Variants in EDNRA observed in about 807,000 individuals in gnomAD.
EDNRA encodes the protein endothelin-1 receptor.
A neutral mutation model predicts 41.4 loss-of-function variants in EDNRA; 11 were observed. That is an observed-to-expected ratio of 0.27 (90% confidence interval 0.17 to 0.44). The LOEUF is 0.44. Among genes scored for constraint, EDNRA ranks in the 20% least tolerant of loss-of-function variants. The pLI is 1.00. For missense variants in EDNRA, 294 were observed against 531.0 expected (o/e 0.55, Z 4.39); for synonymous variants, 172 against 183.0 (o/e 0.94, Z 0.49).
At position 147,528,623 on chromosome 4, in the gene EDNRA, C is replaced by T. The variant is rs116467156; in HGVS notation, c.549-3883C>T. Reference sequence around the variant, plus strand: ...TGCTGGGATTGCAGGCATGAACCATCGCACCCGGCTGGGAACTTACATTCT... The same window carrying T: ...TGCTGGGATTGCAGGCATGAACCATTGCACCCGGCTGGGAACTTACATTCT... On this transcript the variant is annotated intron_variant, in intron 3 of 7. Transcript: ENST00000651419. 4.4e-3 allele frequency among the ~76,000 whole-genome samples: 668 copies of T among 152,156 alleles called. 4 individuals carry two copies. The highest frequency in any genetic ancestry group is 0.014 in the African/African-American group (601 of 41,504).
rs1376616390 is a variant in EDNRA, at chr4:147,519,991, T to C, written c.548+13T>C. On this transcript the variant is annotated intron_variant, in intron 3 of 7. Coordinates refer to ENST00000651419, the MANE Select transcript of EDNRA (RefSeq NM_001957.4). The surrounding 1 kb of genome is among the most constrained non-coding windows in gnomAD (Gnocchi z 4.1). Reference sequence around the variant, plus strand: ...TTAGTGTTGACAGGTAATGTGGTTCTTTCCCTTTGCTCTTTGGCTGGGCTT... The same window carrying C: ...TTAGTGTTGACAGGTAATGTGGTTCCTTCCCTTTGCTCTTTGGCTGGGCTT... The C allele has an allele frequency of 6.3e-7, 1 of 1,599,616 alleles. No individual in the cohort carries two copies. Among genetic ancestry groups the C allele is most frequent in the Non-Finnish European group, 8.5e-7 (1 of 1,174,002 alleles).
Position 147,519,987 on chromosome 4 carries a change from G to T in EDNRA, c.548+9G>T. The T allele has an allele frequency of 1.3e-6, 2 of 1,599,656 alleles. No homozygotes were observed. Among genetic ancestry groups the T allele is most frequent in the East Asian group, 2.3e-5 (1 of 44,396 alleles). ...GCTCTTAGTGTTGACAGGTAATGTG[G>T]TTCTTTCCCTTTGCTCTTTGGCTGG... On this transcript the variant is annotated intron_variant, in intron 3 of 7. Coordinates refer to ENST00000651419, the MANE Select transcript of EDNRA (RefSeq NM_001957.4). This position sits in a 1 kb window ranked among gnomAD's most constrained non-coding sequence, Gnocchi z 4.1.
chr4:147,523,529 G>C lies in EDNRA; in HGVS notation c.548+3551G>C, dbSNP rs552193682. On this transcript the variant is annotated intron_variant, in intron 3 of 7. Coordinates refer to ENST00000651419, the MANE Select transcript of EDNRA (RefSeq NM_001957.4). Reference sequence around the variant, plus strand: ...TTTTTGAGATGGAGTCTTGCTCTGTGGCCCAGGCTAGAGTGCAGTGGCTTG... The same window carrying C: ...TTTTTGAGATGGAGTCTTGCTCTGTCGCCCAGGCTAGAGTGCAGTGGCTTG... 7.2e-4 allele frequency among the ~76,000 whole-genome samples: 105 copies of C among 146,128 alleles called. 1 individual carries two copies. The Middle Eastern group carries it at 0.021, about 29-fold the overall frequency.
intron 2 of EDNRA, among the ~76,000 whole-genome samples, chr4:147,497,282 C>A (rs976261416): frequency 4.0e-5 from 6 of 150,810 alleles, no homozygotes; most frequent in African/African-American, 1.5e-4. Context: ...CAGGCATGAG[C>A]CACCATGCCT....
chr4:147,528,741 T>C (rs1003950735), intron 3 of EDNRA, among the ~76,000 whole-genome samples: 1 of 151,994 alleles, frequency 6.6e-6, no homozygotes, highest in Non-Finnish European at 1.5e-5. Context: ...TGAATCAGGG[T>C]GAGAGAGACA....
chr4:147,540,616 C>A, intron 7 of EDNRA, 131 bp downstream of exon 7: 2 of 627,716 alleles, frequency 3.2e-6, no homozygotes, highest in Non-Finnish European at 2.6e-6. Flanking sequence ...AAGTGAAAAT[C>A]ATGTTTTATT....
At position 147,532,618 on chromosome 4, in the gene EDNRA, G is replaced by A. The variant is rs1333103798; in HGVS notation, c.661G>A (p.Ala221Thr). The A allele has an allele frequency of 1.9e-6, 3 of 1,613,946 alleles. No homozygotes were observed. The African/African-American group carries it at 4.0e-5, about 22-fold the overall frequency. The change falls in exon 4 of 8, where the codon GCG becomes ACG. Residue 221 changes from alanine to threonine, a missense_variant. Ala to Thr is a moderately conservative substitution (Grantham distance 58). This residue lies in a region of EDNRA where 185 missense variants were observed against 390.8 expected (regional missense o/e 0.47). Transcript: ENST00000651419. ...GTCCTTTATCCTGGCCATTCCTGAA[G>A]CGATTGGCTTCGTCATGGTACCCTT... ...ILSFILAIPE[A>T]IGFVMVPFEY...
chr4:147,497,608 G>C (rs1382436304), intron 2 of EDNRA, among the ~76,000 whole-genome samples: 2 of 151,570 alleles, frequency 1.3e-5, no homozygotes, highest in East Asian at 1.9e-4. Context: ...GTCTCGCTCT[G>C]TCGCCCAGGC....
At chr4:147,518,572 GC>G in intron 2 of EDNRA, among the ~76,000 whole-genome samples, 1 of 152,148 alleles carries the variant, frequency 6.6e-6, no homozygotes, top group Non-Finnish European at 1.5e-5. Context: ...GTGAGAGACT[GC>G]CCTGTGTAAC....
At chr4:147,500,254 G>T (rs780098616) in intron 2 of EDNRA, among the ~76,000 whole-genome samples, 18 of 152,114 alleles carry the variant, frequency 1.2e-4, no homozygotes, top group Non-Finnish European at 2.1e-4. Flanking sequence ...GTAAAAATCA[G>T]GGACTATTTC....
rs1161511989 is a variant in EDNRA, at chr4:147,519,070, G to A, written c.421-781G>A. On this transcript the variant is annotated intron_variant, in intron 2 of 7. Transcript: ENST00000651419. The surrounding 1 kb of genome is among the most constrained non-coding windows in gnomAD (Gnocchi z 4.1). ...AACAAGGTTGGAAATTGTCAACATGGAAGAACAGATTTTTCTGCATGTGAT... is the reference window on the plus strand; with the variant it reads ...AACAAGGTTGGAAATTGTCAACATGAAAGAACAGATTTTTCTGCATGTGAT... 6.6e-6 allele frequency among the ~76,000 whole-genome samples: 1 copy of A among 152,212 alleles called. No individual in the cohort carries two copies. The highest frequency in any genetic ancestry group is 1.9e-4 in the East Asian group (1 of 5,200).
intron 2 of EDNRA, chr4:147,494,566 A>T (rs1230321209): frequency 6.5e-6 from 1 of 152,706 alleles, no homozygotes; most frequent in East Asian, 1.9e-4. Context: ...TGGGAGAGAG[A>T]GAGTCGTGGC....
intron 2 of EDNRA, chr4:147,494,065 A>T (rs1729226549): frequency 6.6e-6 from 1 of 152,218 alleles, no homozygotes; most frequent in Non-Finnish European, 1.5e-5. Flanking sequence ...CAAATCTTGC[A>T]TCTCATACTT....
At chr4:147,509,690 C>T (rs1729852190) in intron 2 of EDNRA, among the ~76,000 whole-genome samples, 2 of 152,074 alleles carry the variant, frequency 1.3e-5, no homozygotes, top group African/African-American at 2.4e-5. Flanking sequence ...CTTTTGTGAA[C>T]TGCACACACA....
chr4:147,500,472 C>T (rs961952777), intron 2 of EDNRA, among the ~76,000 whole-genome samples: 6 of 152,184 alleles, frequency 3.9e-5, no homozygotes, highest in Non-Finnish European at 7.4e-5. Flanking sequence ...AATCCCAGCA[C>T]ATTGGGAGGC....
At chr4:147,527,965 T>C (rs1730611457) in intron 3 of EDNRA, among the ~76,000 whole-genome samples, 1 of 152,220 alleles carries the variant, frequency 6.6e-6, no homozygotes, top group Non-Finnish European at 1.5e-5. Flanking sequence ...CTTTAAATTA[T>C]TGAATCTGGT....
intron 2 of EDNRA, among the ~76,000 whole-genome samples, chr4:147,515,751 T>G (rs1320568014): frequency 1.3e-5 from 2 of 152,168 alleles, no homozygotes; most frequent in African/African-American, 4.8e-5. Context: ...ATGTTCCCCA[T>G]ACTTAAGAGG....
intron 3 of EDNRA, chr4:147,520,414 T>C (rs759921865): frequency 7.7e-6 from 4 of 519,070 alleles, no homozygotes; most frequent in African/African-American, 1.9e-5. Flanking sequence ...CACCCTGCCT[T>C]TTTGAAAGAC....
chr4:147,497,831 A>C (rs1490552861), intron 2 of EDNRA, among the ~76,000 whole-genome samples: 1 of 152,176 alleles, frequency 6.6e-6, no homozygotes, highest in East Asian at 1.9e-4. Context: ...CTCGGCCTCC[A>C]AAGTGCTGGG....
Sources: gnomAD v4.1 joint callset for allele counts (sites outside exome capture counted in the v4.1 genomes callset) on GRCh38, gnomAD v4.1.1 for gene constraint, gnomAD v4.1.1 regional missense constraint, Gnocchi (gnomAD v3.1) non-coding constraint, MANE v1.5 for transcripts, NCBI Gene and HGNC (gene_info 2026-07-23, HGNC 2026-07-21) for gene names.